DSCAM: variants seen among roughly 807,000 people sequenced by gnomAD.
DSCAM encodes the protein DS cell adhesion molecule, also known as cell adhesion molecule DSCAM.
DSCAM carries 47 observed loss-of-function variants against 217.7 expected under a neutral mutation model. That is an observed-to-expected ratio of 0.22 (90% CI 0.17 to 0.28). The LOEUF is 0.28. Among genes scored for constraint, DSCAM ranks in the 10% least tolerant of loss-of-function variants. The probability of loss-of-function intolerance (pLI) is 1.00; values close to 1 mark genes in which losing one functional copy is unlikely to be tolerated. For synonymous variants in DSCAM, 1,056 were observed against 1,015.3 expected (o/e 1.04, Z -0.76); for missense variants, 2,080 against 2,618.3 (o/e 0.79, Z 4.49).
intron 3 of DSCAM, among the ~76,000 whole-genome samples, chr21:40,381,239 G>C (rs187706594): frequency 6.6e-6 from 1 of 152,118 alleles, no homozygotes; most frequent in African/African-American, 2.4e-5. Flanking sequence ...GGCACTGGCT[G>C]TCCATGGCTG....
intron 9 of DSCAM, among the ~76,000 whole-genome samples, chr21:40,307,938 T>A (rs571351359): frequency 2.1e-3 from 195 of 93,910 alleles, no homozygotes; most frequent in African/African-American, 7.7e-3. Context: ...TGTTGTGGGA[T>A]GAGGGGAGGG....
At chr21:40,337,957 C>A in intron 8 of DSCAM, 144 bp downstream of exon 8, 1 of 1,057,500 alleles carries the variant, frequency 9.5e-7, no homozygotes, top group Non-Finnish European at 1.4e-6. Flanking sequence ...AAGAGGACAT[C>A]TCATGTTCCC....
intron 3 of DSCAM, among the ~76,000 whole-genome samples, chr21:40,571,108 G>C (rs2076803069): frequency 6.6e-6 from 1 of 151,386 alleles, no homozygotes; most frequent in African/African-American, 2.4e-5. Context: ...AAATTGAAAA[G>C]AAATCTTAAA....
chr21:40,799,569 A>G (rs1211847314), intron 1 of DSCAM, among the ~76,000 whole-genome samples: 1 of 152,078 alleles, frequency 6.6e-6, no homozygotes, highest in Admixed American at 6.6e-5. Flanking sequence ...ACTGGGCTGC[A>G]CTCCCTTTGA....
chr21:40,536,323 T>A (rs1391897636), intron 3 of DSCAM, among the ~76,000 whole-genome samples: 2 of 149,290 alleles, frequency 1.3e-5, no homozygotes. Context: ...ACAGAGGTGA[T>A]GTGAAACCAT....
chr21:40,616,346 G>C (rs1157982261), intron 3 of DSCAM, among the ~76,000 whole-genome samples: 1 of 152,070 alleles, frequency 6.6e-6, no homozygotes, highest in Non-Finnish European at 1.5e-5. Flanking sequence ...TACACCCGGG[G>C]TCCTGACACA....
intron 15 of DSCAM, among the ~76,000 whole-genome samples, chr21:40,172,843 T>G (rs528107408): frequency 6.6e-6 from 1 of 152,282 alleles, no homozygotes; most frequent in East Asian, 1.9e-4. Context: ...AGCAGCTGCA[T>G]AATTCTACAA....
rs1305942415 is a variant in DSCAM at position 40,012,417 on chromosome 21, G to GGCAGACAACCTTTTCTTTTTTATTAA, written c.*616_*617insTTAATAAAAAAGAAAAGGTTGTCTGC. On this transcript the variant is annotated 3_prime_UTR_variant, in exon 33 of 33. Transcript: ENST00000400454. ...CGAGAGAAGCAGACATGGAAATAAA[G>GGCAGACAACCTTTTCTTTTTTATTAA]GCAGACAACCTTTTCTTTTTTATTT... The GGCAGACAACCTTTTCTTTTTTATTAA allele has an allele frequency of 3.3e-4, 50 of 152,294 alleles. No individual in the cohort carries two copies. The highest frequency in any genetic ancestry group is 9.2e-4 in the Admixed American group (14 of 15,296). 9.4% of individuals were successfully genotyped at this position (152,294 alleles called of 1,614,324 possible).
chr21:40,084,099 A>G (rs1601314208), intron 23 of DSCAM, 93 bp from the exon 24 acceptor site: 1 of 940,730 alleles, frequency 1.1e-6, no homozygotes, highest in Non-Finnish European at 1.6e-6. Flanking sequence ...TTTAACAGCC[A>G]TTTATTAAAT....
chr21:40,787,686 T>G (rs1456299398), intron 1 of DSCAM, among the ~76,000 whole-genome samples: 1 of 152,182 alleles, frequency 6.6e-6, no homozygotes, highest in Non-Finnish European at 1.5e-5. Context: ...GTCAATTAAT[T>G]ATAAGCTCAA....
intron 3 of DSCAM, 88 bp from the exon 4 acceptor site, chr21:40,369,333 C>T (rs2075965994): frequency 2.2e-4 from 265 of 1,222,562 alleles, no homozygotes; most frequent in Non-Finnish European, 2.6e-4. Flanking sequence ...TTTTTTTTTT[C>T]CCCCACCTGA....
In DSCAM at chr21:40,651,175, A is replaced by C. The variant is rs137900121; in HGVS notation, c.508+41635T>G. On this transcript the variant is annotated intron_variant, in intron 3 of 32. Transcript: ENST00000400454. ...TGCCTCATGAGCTCCAAGCACACAG[A>C]CCAACTCCAGGCCCTGTCTCCTGGG... Among the ~76,000 whole-genome samples the C allele has an allele frequency of 6.6e-3, 1,002 of 152,248 alleles. 11 individuals carry two copies. Among genetic ancestry groups the C allele is most frequent in the African/African-American group, 0.022 (933 of 41,542 alleles).
At chr21:40,753,203 T>C (rs536033565) in intron 1 of DSCAM, among the ~76,000 whole-genome samples, 7 of 152,328 alleles carry the variant, frequency 4.6e-5, no homozygotes, top group Admixed American at 3.3e-4. Context: ...CAAGGATTCC[T>C]CCAATGTAGT....
intron 2 of DSCAM, among the ~76,000 whole-genome samples, chr21:40,704,733 GA>G (rs562622630): frequency 6.6e-6 from 1 of 151,776 alleles, no homozygotes; most frequent in Non-Finnish European, 1.5e-5. Context: ...TTAAAGAACA[GA>G]AAAAAATGTT....
intron 24 of DSCAM, 138 bp from the exon 25 acceptor site, chr21:40,080,478 T>C: frequency 3.9e-6 from 3 of 773,694 alleles, no homozygotes; most frequent in South Asian, 4.9e-5. Flanking sequence ...TTTTCGCTCT[T>C]TCTGATTCCA....
Position 40,021,949 on chromosome 21 carries a change from G to A in DSCAM, c.5687-8563C>T, listed in dbSNP as rs145408754. On this transcript the variant is annotated intron_variant, in intron 32 of 32. Transcript: ENST00000400454. ...CCTGCCTCCTTTTAGCTGAAACCTA[G>A]GAAAGCAAAACTTCCTGAATTTTCT... Among the ~76,000 whole-genome samples, 76 of 152,258 alleles carry A rather than the reference G, an allele frequency of 5.0e-4. No homozygotes were observed. The East Asian group carries it at 0.014, about 28-fold the overall frequency.
chr21:40,517,377 TAC>T (rs1314773243), intron 3 of DSCAM, among the ~76,000 whole-genome samples: 1 of 139,408 alleles, frequency 7.2e-6, no homozygotes, highest in Admixed American at 7.5e-5. Context: ...TATACCCACA[TAC>T]ACACATCTAT....
chr21:40,042,531 C>G lies in DSCAM; in HGVS notation c.5526G>C (p.Thr1842=), dbSNP rs371190781. The change falls in exon 32 of 33, where the codon ACG becomes ACC. Residue 1842 remains threonine (T), a synonymous_variant. Coordinates refer to ENST00000400454, the MANE Select transcript of DSCAM (RefSeq NM_001389.5). ...TCCCTGCCGTCAACTGCTCCGATGA[C>G]GTGTCTGATATGAAGCACTCCGTGA... is the stretch of plus-strand genomic sequence containing the variant. ...FTITECFISD[T]SSEQLTAGTN... is the part of the protein sequence containing the mutation. The G allele has an allele frequency of 2.9e-5, 47 of 1,614,208 alleles. No individual in the cohort carries two copies. In the East Asian group the frequency reaches 1.0e-3, roughly 34 times the overall value.
At chr21:40,808,869 A>C (rs1216276218) in intron 1 of DSCAM, among the ~76,000 whole-genome samples, 1 of 152,188 alleles carries the variant, frequency 6.6e-6, no homozygotes, top group Non-Finnish European at 1.5e-5. Flanking sequence ...CGCCATTTGC[A>C]GATGAGCTGA....
Sources: allele counts gnomAD v4.1 joint callset (sites outside exome capture counted in the v4.1 genomes callset), GRCh38; gene constraint gnomAD v4.1.1; transcripts MANE v1.5; gene names NCBI Gene and HGNC (gene_info 2026-07-23, HGNC 2026-07-21).